Variants in LRCH2 observed in about 807,000 individuals in gnomAD.
LRCH2 encodes leucine-rich repeat and calponin homology domain-containing protein 2.
Under a neutral mutation model 68.9 loss-of-function variants are expected in LRCH2, and 38 were observed. The observed-to-expected ratio is 0.55, with a 90% CI of 0.43 to 0.72. The LOEUF (loss-of-function observed/expected upper bound fraction) is 0.72. Among genes scored for constraint, LRCH2 ranks in the 30% least tolerant of loss-of-function variants. The probability of loss-of-function intolerance (pLI) is 0.00; values close to 1 mark genes in which losing one functional copy is unlikely to be tolerated. For missense variants in LRCH2, 528 were observed against 572.9 expected (o/e 0.92, Z 0.80); for synonymous variants, 191 against 208.1 (o/e 0.92, Z 0.71).
Position 115,226,963 on chromosome X carries a change from C to T in LRCH2, c.349+6730G>A, listed in dbSNP as rs782143576. Among the ~76,000 whole-genome samples, 21 of 111,399 alleles carry T rather than the reference C, an allele frequency of 1.9e-4. 1 individual carries two copies. The highest frequency in any genetic ancestry group is 1.4e-3 in the Admixed American group (15 of 10,495). On this transcript the variant is annotated intron_variant, in intron 1 of 20. Coordinates refer to ENST00000317135, the MANE Select transcript of LRCH2 (RefSeq NM_020871.4). ...CCTCTTTGAACCTATGCTGCACTTT[C>T]CATTTATCTTACTCTAACCCAGGGT...
chrX:115,155,363 C>T lies in LRCH2; in HGVS notation c.1529+1239G>A, dbSNP rs782603913. Among the ~76,000 whole-genome samples the T allele has an allele frequency of 3.6e-5, 4 of 110,078 alleles. No individual in the cohort carries two copies. The South Asian group carries it at 1.6e-3, about 43-fold the overall frequency. Reference sequence around the variant, plus strand: ...TCCCATAATTTAATGTGTTTTGATACGTGCAGCAAACCATCAGAGCACATG... The same window carrying T: ...TCCCATAATTTAATGTGTTTTGATATGTGCAGCAAACCATCAGAGCACATG... On this transcript the variant is annotated intron_variant, in intron 12 of 20. Transcript: ENST00000317135.
chrX:115,223,741 C>T (rs1334734672), intron 1 of LRCH2, among the ~76,000 whole-genome samples: 28 of 105,581 alleles, frequency 2.7e-4, no homozygotes, highest in Non-Finnish European at 5.1e-4. Flanking sequence ...CATGGTGAAA[C>T]CCCGTCTCTA....
rs189107320 is a variant in LRCH2 at position 115,148,561 on chromosome X, C to T, written c.1695+1266G>A. On this transcript the variant is annotated intron_variant, in intron 14 of 20. Transcript: ENST00000317135. The stretch of plus-strand genomic sequence containing the variant: ...CTAAAATTTCCCCCATACCATCAGT[C>T]ATTCACTAAGTTTTATCTACAAGCA... Among the ~76,000 whole-genome samples, 33 of 111,862 alleles carry T rather than the reference C, an allele frequency of 3.0e-4. No homozygotes were observed. In the East Asian group the frequency reaches 8.4e-3, roughly 28 times the overall value.
chrX:115,213,943 C>T (rs925167277), intron 1 of LRCH2, among the ~76,000 whole-genome samples: 12 of 111,751 alleles, frequency 1.1e-4, no homozygotes, highest in African/African-American at 3.9e-4. Context: ...TCAACTTGTA[C>T]ATAATGATAG....
chrX:115,217,283 G>A (rs1358082456), intron 1 of LRCH2, among the ~76,000 whole-genome samples: 2 of 111,201 alleles, frequency 1.8e-5, no homozygotes, highest in Admixed American at 1.9e-4. Flanking sequence ...GAACGTGCAG[G>A]TTTGTTACAT....
At chrX:115,115,150 C>T (rs892698361) in intron 20 of LRCH2, among the ~76,000 whole-genome samples, 1 of 110,486 alleles carries the variant, frequency 9.1e-6, no homozygotes, top group Admixed American at 9.7e-5. Context: ...ATTTTAGATT[C>T]GGTAATCCCA....
intron 16 of LRCH2, among the ~76,000 whole-genome samples, chrX:115,125,582 CAT>C (rs1165833980): frequency 1.1e-4 from 2 of 18,976 alleles, no homozygotes; most frequent in Non-Finnish European, 1.6e-4. Context: ...TACACACACA[CAT>C]ATATATATAC....
At chrX:115,197,818 GTC>G (rs1196662958) in intron 1 of LRCH2, among the ~76,000 whole-genome samples, 15 of 13,414 alleles carry the variant, frequency 1.1e-3, no homozygotes, top group African/African-American at 3.0e-3. Flanking sequence ...AACAGAACAA[GTC>G]TCTCTCTCTC....
chrX:115,169,409 A>G (rs1376550719), intron 6 of LRCH2, among the ~76,000 whole-genome samples: 1 of 111,907 alleles, frequency 8.9e-6, no homozygotes, highest in African/African-American at 3.2e-5. Flanking sequence ...CTTAATTCCA[A>G]TTTTTGGAGC....
At chrX:115,192,766 T>C in intron 1 of LRCH2, 1 of 693,884 alleles carries the variant, frequency 1.4e-6, no homozygotes. Flanking sequence ...AAGAATTTCC[T>C]GTTAAGATCT....
chrX:115,189,796 C>T (rs782111433), intron 1 of LRCH2: 3 of 1,166,283 alleles, frequency 2.6e-6, no homozygotes, highest in Non-Finnish European at 2.3e-6. Flanking sequence ...CAGCAGCCCA[C>T]AGCGACCCCC....
chrX:115,203,415 C>A (rs1413072588), intron 1 of LRCH2, among the ~76,000 whole-genome samples: 1 of 112,350 alleles, frequency 8.9e-6, no homozygotes, highest in African/African-American at 3.2e-5. Context: ...TCTCAACAGT[C>A]CCCAAATGTC....
intron 1 of LRCH2, among the ~76,000 whole-genome samples, chrX:115,231,513 G>GA (rs1337696222): frequency 1.8e-5 from 2 of 110,745 alleles, no homozygotes; most frequent in African/African-American, 6.5e-5. Flanking sequence ...TAATTTAAAT[G>GA]AAAAAAAAGA....
At chrX:115,130,109 T>G (rs1556529434) in intron 15 of LRCH2, 46 bp downstream of exon 15, 3 of 784,804 alleles carry the variant, frequency 3.8e-6, no homozygotes, top group Admixed American at 7.7e-5. Flanking sequence ...CAACTTCATA[T>G]GATAAGTAAA....
chrX:115,190,430 A>G (rs1556557212), intron 1 of LRCH2: 2 of 1,164,459 alleles, frequency 1.7e-6, no homozygotes, highest in South Asian at 1.9e-5. Context: ...TGCCGCTACG[A>G]GGAGTACCAG....
intron 1 of LRCH2, chrX:115,190,807 C>A: frequency 8.7e-7 from 1 of 1,155,461 alleles, no homozygotes; most frequent in Non-Finnish European, 1.2e-6. Flanking sequence ...CAGTGGGGGC[C>A]ATGACAGTTC....
intron 15 of LRCH2, among the ~76,000 whole-genome samples, chrX:115,128,488 T>C (rs782820037): frequency 8.9e-5 from 10 of 112,456 alleles, no homozygotes; most frequent in Middle Eastern, 4.6e-3. Flanking sequence ...ATTATAACAA[T>C]GTATTGTAAT....
rs2072537276 is a variant in LRCH2, at chrX:115,163,715, T to C, written c.1424A>G (p.Lys475Arg). The change falls in exon 11 of 21, where the codon AAA (lysine) becomes AGA (arginine). Residue 475 changes from lysine to arginine, a missense_variant. By Grantham distance (26) the Lys-to-Arg change is conservative. Transcript: ENST00000317135. The stretch of plus-strand genomic sequence containing the variant: ...TTGCTGCAATAACTGAGCAGCTATT[T>C]TCCTCAAATCAGTTACTTCCTTCAA... Reference protein sequence around the residue: ...DDLKEVTDLRKIAAQLLQQEQ... With the variant: ...DDLKEVTDLRRIAAQLLQQEQ... The C allele has an allele frequency of 8.3e-7, 1 of 1,200,342 alleles. No homozygotes were observed. Among genetic ancestry groups the C allele is most frequent in the Non-Finnish European group, 1.1e-6 (1 of 888,632 alleles).
intron 14 of LRCH2, among the ~76,000 whole-genome samples, chrX:115,130,669 C>T (rs1464061139): frequency 9.0e-6 from 1 of 111,356 alleles, no homozygotes; most frequent in Non-Finnish European, 1.9e-5. Flanking sequence ...AAGAAACCTA[C>T]TGCTTTCATG....
Sources: gnomAD v4.1 joint callset for allele counts (sites outside exome capture counted in the v4.1 genomes callset) on GRCh38, gnomAD v4.1.1 for gene constraint, MANE v1.5 for transcripts, NCBI Gene and HGNC (gene_info 2026-07-23, HGNC 2026-07-21) for gene names.